EFCAB6: variants seen among roughly 807,000 people sequenced by gnomAD.
EFCAB6 encodes EF-hand calcium binding domain 6.
Under a neutral mutation model 169.8 loss-of-function variants are expected in EFCAB6, and 156 were observed. The ratio of observed to expected loss-of-function variants is 0.92; its 90% CI spans 0.81 to 1.05. EFCAB6 has a LOEUF of 1.05. Ranked by LOEUF, EFCAB6 falls within the 50% of genes least tolerant of loss-of-function variation. EFCAB6 has a pLI of 0.00. For missense variants in EFCAB6, 1,800 were observed against 1,829.1 expected (o/e 0.98, Z 0.29); for synonymous variants, 698 against 676.4 (o/e 1.03, Z -0.50).
chr22:43,677,249 A>G (rs1395871069), intron 13 of EFCAB6, among the ~76,000 whole-genome samples: 1 of 152,240 alleles, frequency 6.6e-6, no homozygotes, highest in Non-Finnish European at 1.5e-5. Context: ...GCTAGTCACT[A>G]GAGGCAATAA....
chr22:43,777,218 G>A (rs536597193), intron 3 of EFCAB6, among the ~76,000 whole-genome samples: 6 of 152,300 alleles, frequency 3.9e-5, no homozygotes, highest in Non-Finnish European at 7.4e-5. Context: ...CGGGGGAGTC[G>A]AGAGACCCGT....
At chr22:43,571,122 G>C (rs1194574131) in intron 26 of EFCAB6, among the ~76,000 whole-genome samples, 1 of 152,230 alleles carries the variant, frequency 6.6e-6, no homozygotes, top group Non-Finnish European at 1.5e-5. Flanking sequence ...TGCTGTGACA[G>C]GCAGAGGAGG....
At chr22:43,593,768 C>T (rs916129278) in intron 23 of EFCAB6, among the ~76,000 whole-genome samples, 1 of 152,138 alleles carries the variant, frequency 6.6e-6, no homozygotes, top group African/African-American at 2.4e-5. Flanking sequence ...GAGAGTGAAT[C>T]TTGCCTTTTG....
At chr22:43,760,118 C>A (rs1452426809) in intron 5 of EFCAB6, among the ~76,000 whole-genome samples, 1 of 149,302 alleles carries the variant, frequency 6.7e-6, no homozygotes, top group East Asian at 2.0e-4. Flanking sequence ...ACAGAAGAAC[C>A]GCTTGAACCC....
intron 6 of EFCAB6, among the ~76,000 whole-genome samples, chr22:43,748,053 C>A (rs186033887): frequency 1.6e-4 from 25 of 152,304 alleles, no homozygotes; most frequent in South Asian, 1.2e-3. Context: ...TCCCCAATAA[C>A]CACATGGTGT....
rs1241594330 is a variant in EFCAB6 at position 43,765,344 on chromosome 22, C to G, written c.401G>C (p.Arg134Thr). 1.9e-6 allele frequency: 3 copies of G among 1,612,626 alleles called. No individual in the cohort carries two copies. The highest frequency in any genetic ancestry group is 4.5e-5 in the East Asian group (2 of 44,806). ...GTVPYLAFLS[R>T]FGGIDLYING... ...TATATATAGGTCAATTCCACCAAAC[C>G]TGGACAGAAAGGCAAGGTACGGTAC... The change falls in exon 5 of 32, where the codon AGG becomes ACG. Residue 134 changes from arginine to threonine, a missense_variant. Transcript: ENST00000262726.
intron 27 of EFCAB6, among the ~76,000 whole-genome samples, chr22:43,545,970 TA>T (rs142499413): frequency 0.021 from 3,161 of 152,294 alleles, 110 homozygotes; most frequent in African/African-American, 0.073. Context: ...CAAGTCACCA[TA>T]AACATGAGTT....
chr22:43,632,338 T>G (rs912907771), intron 18 of EFCAB6, 100 bp from the exon 19 acceptor site: 1 of 1,475,248 alleles, frequency 6.8e-7, no homozygotes, highest in African/African-American at 1.4e-5. Context: ...TCGCTCTTGT[T>G]GCCCAGGCTG....
At chr22:43,758,391 G>A (rs1279681482) in intron 5 of EFCAB6, among the ~76,000 whole-genome samples, 1 of 151,882 alleles carries the variant, frequency 6.6e-6, no homozygotes, top group Non-Finnish European at 1.5e-5. Flanking sequence ...CAAATGTTGG[G>A]AATTAAATAC....
chr22:43,764,151 C>T (rs1045659760), intron 5 of EFCAB6, among the ~76,000 whole-genome samples: 8 of 152,064 alleles, frequency 5.3e-5, no homozygotes, highest in African/African-American at 1.7e-4. Flanking sequence ...ACAAATAATC[C>T]TGTCACCCAG....
At chr22:43,783,236 G>A (rs2061895300) in intron 2 of EFCAB6, among the ~76,000 whole-genome samples, 1 of 152,194 alleles carries the variant, frequency 6.6e-6, no homozygotes, top group Non-Finnish European at 1.5e-5. Context: ...ACCTGAATAG[G>A]TGGATAACGG....
intron 27 of EFCAB6, among the ~76,000 whole-genome samples, chr22:43,544,398 A>G (rs991386818): frequency 2.6e-5 from 4 of 152,114 alleles, no homozygotes; most frequent in Non-Finnish European, 5.9e-5. Context: ...TGAACTACAG[A>G]GGCTGGGCAG....
intron 10 of EFCAB6, among the ~76,000 whole-genome samples, chr22:43,705,751 G>A (rs1167039108): frequency 6.6e-6 from 1 of 152,130 alleles, no homozygotes; most frequent in East Asian, 1.9e-4. Flanking sequence ...GCAATTCTAA[G>A]AGGAAAGTTT....
At chr22:43,600,648 G>T (rs376056790) in intron 22 of EFCAB6, among the ~76,000 whole-genome samples, 5,199 of 150,884 alleles carry the variant, frequency 0.034, 103 homozygotes, top group South Asian at 0.04. Flanking sequence ...GTTTAGCAGG[G>T]TTTTTTTTTT....
intron 19 of EFCAB6, among the ~76,000 whole-genome samples, chr22:43,627,340 G>A (rs141757560): frequency 3.9e-5 from 6 of 152,310 alleles, no homozygotes; most frequent in African/African-American, 1.4e-4. Flanking sequence ...CTGCAGGCAG[G>A]TGGCTCAGTG....
intron 27 of EFCAB6, among the ~76,000 whole-genome samples, chr22:43,541,541 T>A (rs531331629): frequency 3.9e-5 from 6 of 152,160 alleles, no homozygotes; most frequent in Non-Finnish European, 5.9e-5. Context: ...TGCGGTCTGA[T>A]GTCATTTTAC....
intron 19 of EFCAB6, among the ~76,000 whole-genome samples, chr22:43,629,115 A>T (rs1392177515): frequency 6.6e-6 from 1 of 152,230 alleles, no homozygotes; most frequent in Non-Finnish European, 1.5e-5. Context: ...TGATTACTGC[A>T]GGGACAGAGG....
At chr22:43,746,480 C>G (rs2060567942) in intron 6 of EFCAB6, among the ~76,000 whole-genome samples, 1 of 152,160 alleles carries the variant, frequency 6.6e-6, no homozygotes, top group South Asian at 2.1e-4. Flanking sequence ...GTAAACCTTC[C>G]CCCACATTCA....
chr22:43,742,801 C>T (rs1160664118), intron 6 of EFCAB6, among the ~76,000 whole-genome samples: 1 of 152,222 alleles, frequency 6.6e-6, no homozygotes, highest in African/African-American at 2.4e-5. Context: ...CGGCCACCAC[C>T]GCAGCACTGC....
Sources: gnomAD v4.1 joint callset for allele counts (sites outside exome capture counted in the v4.1 genomes callset) on GRCh38, gnomAD v4.1.1 for gene constraint, MANE v1.5 for transcripts, NCBI Gene and HGNC (gene_info 2026-07-23, HGNC 2026-07-21) for gene names.